USP31: variants seen among roughly 807,000 people sequenced by gnomAD.
The protein encoded by USP31 is ubiquitin carboxyl-terminal hydrolase 31.
USP31 carries 44 observed loss-of-function variants against 119.4 expected under a neutral mutation model. The observed-to-expected ratio is 0.37, with a 90% CI of 0.29 to 0.47. The LOEUF (loss-of-function observed/expected upper bound fraction) is 0.47, where lower values mean the gene tolerates loss of function less well. USP31 is among the 20% of genes least tolerant of loss of function. USP31 has a pLI of 0.99. For missense variants in USP31, 1,643 were observed against 1,730.2 expected, an observed-to-expected ratio of 0.95 and a Z score of 0.89; for synonymous variants, 749 against 705.6, an observed-to-expected ratio of 1.06 and a Z score of -0.97.
rs78738509 is a variant in USP31, at chr16:23,067,536, C to T, written c.*510G>A. ...AAGACTGGTAGATGGGGCGAAAGTG[C>T]AGAAAGCAAGAGTTTTTCCCTCGAT... On this transcript the variant is annotated 3_prime_UTR_variant, in exon 16 of 16. Transcript: ENST00000219689. 2.1e-3 allele frequency: 331 copies of T among 154,408 alleles called. 8 individuals carry two copies. In the East Asian group the frequency reaches 0.05, roughly 23 times the overall value. 9.6% of individuals were successfully genotyped at this position (154,408 alleles called of 1,614,324 possible).
At position 23,102,303 on chromosome 16, in the gene USP31, A is replaced by G. The variant is rs774642333; in HGVS notation, c.1234+16T>C. ...TGCAAACCCAGGTGGCATTATGGAA[A>G]CAGGAGCTCCCTTACCTCTTTGACT... On this transcript the variant is annotated intron_variant, in intron 6 of 15. Transcript: ENST00000219689. 6.2e-7 allele frequency: 1 copy of G among 1,606,508 alleles called. No homozygotes were observed. Among genetic ancestry groups the G allele is most frequent in the Non-Finnish European group, 8.5e-7 (1 of 1,177,554 alleles).
intron 6 of USP31, among the ~76,000 whole-genome samples, chr16:23,091,467 T>G (rs1030410135): frequency 1.2e-4 from 18 of 152,184 alleles, no homozygotes; most frequent in Non-Finnish European, 2.6e-4. Flanking sequence ...ACCTGTTCAT[T>G]CCTTTAATCC....
intron 13 of USP31, among the ~76,000 whole-genome samples, chr16:23,074,460 T>C (rs117750129): frequency 0.014 from 2,062 of 152,376 alleles, 22 homozygotes; most frequent in Non-Finnish European, 0.021. Context: ...ACACTTATTA[T>C]GTGCCAAGCA....
At chr16:23,106,339 A>C in intron 3 of USP31, 34 bp from the exon 4 acceptor site, 1 of 1,613,966 alleles carries the variant, frequency 6.2e-7, no homozygotes, top group Non-Finnish European at 8.5e-7. Context: ...CTTGACATTA[A>C]AATCACCCAG....
chr16:23,092,814 T>C (rs1461424408), intron 6 of USP31, among the ~76,000 whole-genome samples: 1 of 152,092 alleles, frequency 6.6e-6, no homozygotes, highest in African/African-American at 2.4e-5. Flanking sequence ...CAACCCAATA[T>C]ACAGGATCAC....
At chr16:23,111,455 A>G (rs1303876081) in intron 1 of USP31, among the ~76,000 whole-genome samples, 1 of 152,220 alleles carries the variant, frequency 6.6e-6, no homozygotes, top group Non-Finnish European at 1.5e-5. Context: ...AAGTCCAGGA[A>G]AGAGTTCGCG....
At chr16:23,115,529 A>T (rs1223712524) in intron 1 of USP31, among the ~76,000 whole-genome samples, 4 of 152,212 alleles carry the variant, frequency 2.6e-5, no homozygotes, top group African/African-American at 9.7e-5. Context: ...AGAAAAGAAA[A>T]AATAGAACAT....
intron 1 of USP31, among the ~76,000 whole-genome samples, chr16:23,140,346 TA>T (rs1043487161): frequency 7.9e-5 from 12 of 152,032 alleles, no homozygotes; most frequent in African/African-American, 2.7e-4. Flanking sequence ...TGACTTGGAG[TA>T]GGGGGGAGTA....
intron 1 of USP31, among the ~76,000 whole-genome samples, chr16:23,143,585 T>TG (rs374157408): frequency 0.19 from 22,392 of 119,350 alleles, 2,093 homozygotes; most frequent in Admixed American, 0.29. Context: ...AGGGAGAGGT[T>TG]GGGGGGGGGG....
intron 13 of USP31, 28 bp from the exon 14 acceptor site, chr16:23,073,908 C>T: frequency 6.2e-7 from 1 of 1,612,848 alleles, no homozygotes. Flanking sequence ...CCATCAGCAC[C>T]AGGGGAGGCT....
chr16:23,072,352 G>T (rs754581178), intron 14 of USP31, 155 bp from the exon 15 acceptor site: 2 of 996,578 alleles, frequency 2.0e-6, no homozygotes, highest in Admixed American at 2.1e-5. Context: ...GTGTCATGTC[G>T]TGCCTGTCCG....
At chr16:23,109,504 G>A (rs963521866) in intron 1 of USP31, among the ~76,000 whole-genome samples, 3 of 152,130 alleles carry the variant, frequency 2.0e-5, no homozygotes. Flanking sequence ...TCCTTACAGA[G>A]GAATTCCAAA....
chr16:23,127,870 C>A lies in USP31; in HGVS notation c.634-19687G>T, dbSNP rs151169340. 2.0e-4 allele frequency among the ~76,000 whole-genome samples: 30 copies of A among 152,210 alleles called. No individual in the cohort carries two copies. In the East Asian group the frequency reaches 4.6e-3, roughly 24 times the overall value. ...TTAAAACACAGTAATTTGTACCATA[C>A]GGTCCTAGTAGAATATATGCTATGG... is the stretch of plus-strand genomic sequence containing the variant. On this transcript the variant is annotated intron_variant, in intron 1 of 15. Transcript: ENST00000219689.
intron 5 of USP31, among the ~76,000 whole-genome samples, chr16:23,104,589 T>G (rs974319119): frequency 6.6e-6 from 1 of 152,214 alleles, no homozygotes; most frequent in African/African-American, 2.4e-5. Flanking sequence ...ATTTGCCATA[T>G]TAGGGCAACA....
At chr16:23,132,768 T>C (rs1903068902) in intron 1 of USP31, among the ~76,000 whole-genome samples, 1 of 152,214 alleles carries the variant, frequency 6.6e-6, no homozygotes, top group Non-Finnish European at 1.5e-5. Flanking sequence ...AAATACTGTA[T>C]GACCCAACCA....
intron 6 of USP31, among the ~76,000 whole-genome samples, chr16:23,093,285 C>G (rs1432756494): frequency 1.3e-5 from 2 of 152,106 alleles, no homozygotes; most frequent in African/African-American, 4.8e-5. Flanking sequence ...CCATAAGGGT[C>G]TAGTATTATA....
rs778809944 is a variant in USP31, at chr16:23,148,691, C to G, written c.580G>C (p.Val194Leu). 6 of 1,492,810 alleles carry G rather than the reference C, an allele frequency of 4.0e-6. No homozygotes were observed. Among genetic ancestry groups the G allele is most frequent in the Non-Finnish European group, 5.3e-6 (6 of 1,124,328 alleles). 92.5% of individuals were successfully genotyped at this position (1,492,810 alleles called of 1,614,324 possible). The change falls in exon 1 of 16, where the codon GTG becomes CTG. Residue 194 changes from valine to leucine, a missense_variant. Transcript: ENST00000219689. ...TACTCCAGGGTCCAGAGGGCCCGCACCAGGTGCGCCAGCTGCTCAGTGACC... is the reference window on the plus strand; with the variant it reads ...TACTCCAGGGTCCAGAGGGCCCGCAGCAGGTGCGCCAGCTGCTCAGTGACC... The part of the protein sequence containing the change: ...GEVTEQLAHL[V>L]RALWTLEYTP...
At chr16:23,121,439 C>G (rs1366446057) in intron 1 of USP31, among the ~76,000 whole-genome samples, 1 of 152,202 alleles carries the variant, frequency 6.6e-6, no homozygotes, top group African/African-American at 2.4e-5. Context: ...AATTTAGAAC[C>G]TTCCCAGCCT....
At chr16:23,111,935 C>A (rs1006699566) in intron 1 of USP31, among the ~76,000 whole-genome samples, 2 of 152,052 alleles carry the variant, frequency 1.3e-5, no homozygotes, top group African/African-American at 2.4e-5. Flanking sequence ...AACAGATTTG[C>A]GATTTGCATC....
Sources: allele counts gnomAD v4.1 joint callset (sites outside exome capture counted in the v4.1 genomes callset), GRCh38; gene constraint gnomAD v4.1.1; transcripts MANE v1.5; gene names NCBI Gene and HGNC (gene_info 2026-07-23, HGNC 2026-07-21).